The following RAB3IP variants were observed in gnomAD, a reference collection of about 807,000 sequenced individuals.
The protein encoded by RAB3IP is RAB3A interacting protein.
RAB3IP carries 36 observed loss-of-function variants against 59.1 expected under a neutral mutation model. The observed-to-expected ratio is 0.61, with a 90% confidence interval of 0.47 to 0.80. The LOEUF is 0.80. Among genes scored for constraint, RAB3IP ranks in the 30% least tolerant of loss-of-function variants. RAB3IP has a pLI of 0.00. For synonymous variants in RAB3IP, 207 were observed against 191.2 expected, an observed-to-expected ratio of 1.08 and a Z score of -0.68; for missense variants, 511 against 536.0, an observed-to-expected ratio of 0.95 and a Z score of 0.46.
chr12:69,754,572 C>T lies in RAB3IP; in HGVS notation c.-25-812C>T, dbSNP rs149322128. 1.9e-4 allele frequency among the ~76,000 whole-genome samples: 29 copies of T among 152,242 alleles called. No individual in the cohort carries two copies. The East Asian group carries it at 5.6e-3, about 29-fold the overall frequency. On this transcript the variant is annotated intron_variant, in intron 1 of 10. Transcript: ENST00000247833. ...TAAATTCAAGAGATCTATGGTACAG[C>T]AGGATGACTGTAGTTCCTGACGATA... is the stretch of plus-strand genomic sequence containing the variant.
At chr12:69,811,724 A>G (rs1216435969) in intron 8 of RAB3IP, among the ~76,000 whole-genome samples, 13 of 152,224 alleles carry the variant, frequency 8.5e-5, no homozygotes, top group Admixed American at 8.5e-4. Flanking sequence ...TATCTATTTG[A>G]AAAAAGACAG....
chr12:69,741,332 G>A (rs773054619), intron 1 of RAB3IP, among the ~76,000 whole-genome samples: 1 of 152,180 alleles, frequency 6.6e-6, no homozygotes, highest in Non-Finnish European at 1.5e-5. Flanking sequence ...GTAGGTGGTC[G>A]TACAGCTGGC....
intron 3 of RAB3IP, among the ~76,000 whole-genome samples, chr12:69,768,378 G>A (rs964695506): frequency 6.6e-5 from 10 of 152,208 alleles, no homozygotes; most frequent in African/African-American, 2.4e-4. Flanking sequence ...CACAATCTAT[G>A]TCCATGACGG....
At chr12:69,755,728 A>T (rs1400457217) in intron 2 of RAB3IP, 69 bp downstream of exon 2, 4 of 1,316,160 alleles carry the variant, frequency 3.0e-6, no homozygotes, top group Admixed American at 2.4e-5. Context: ...ACTATATTTT[A>T]AGTTTTACTA....
intron 3 of RAB3IP, among the ~76,000 whole-genome samples, chr12:69,766,667 G>T (rs372629632): frequency 6.6e-6 from 1 of 151,796 alleles, no homozygotes; most frequent in South Asian, 2.1e-4. Context: ...GATTACAGGC[G>T]CCTGCCACCA....
rs1881241414 is a variant in RAB3IP at position 69,817,417 on chromosome 12, A to G, written c.*1971A>G. The G allele has an allele frequency of 6.6e-6, 1 of 151,784 alleles. No homozygotes were observed. Among genetic ancestry groups the G allele is most frequent in the African/African-American group, 2.4e-5 (1 of 41,382 alleles). 9.4% of individuals were successfully genotyped at this position (151,784 alleles called of 1,614,324 possible). A position where few individuals can be genotyped will look rare whatever the true frequency, so the allele number is the denominator to read the frequency against. ...TTATCTTCCTGATCCTACTCCCTTT[A>G]GGAAGAACTTCTTAAACTGGAAGCA... is the stretch of plus-strand genomic sequence containing the variant. On this transcript the variant is annotated 3_prime_UTR_variant, in exon 11 of 11. Transcript: ENST00000247833.
In RAB3IP at chr12:69,821,813, C is replaced by G. The variant is rs945147172; in HGVS notation, c.*6367C>G. 6.6e-6 allele frequency: 1 copy of G among 152,136 alleles called. No individual in the cohort carries two copies. Among genetic ancestry groups the G allele is most frequent in the Non-Finnish European group, 1.5e-5 (1 of 68,030 alleles). The allele number at this position is 152,136 out of a possible 1,614,324, so 9.4% of individuals were successfully genotyped here. On this transcript the variant is annotated 3_prime_UTR_variant, in exon 11 of 11. Transcript: ENST00000247833. ...TACACCCTTGCTCAGGGTATGCACT[C>G]CATGGTTTGCTCTATGGCCCACCAT...
chr12:69,793,919 T>C (rs1174710438), intron 4 of RAB3IP, among the ~76,000 whole-genome samples: 1 of 152,296 alleles, frequency 6.6e-6, no homozygotes, highest in African/African-American at 2.4e-5. Flanking sequence ...GTAAACTGAT[T>C]TGCCTTTTTA....
chr12:69,811,089 G>T (rs1880380527), intron 8 of RAB3IP, among the ~76,000 whole-genome samples: 1 of 152,154 alleles, frequency 6.6e-6, no homozygotes, highest in Non-Finnish European at 1.5e-5. Flanking sequence ...GCAGGGACAT[G>T]GCTGGAGCTG....
chr12:69,742,879 T>G (rs910717372), intron 1 of RAB3IP, among the ~76,000 whole-genome samples: 7 of 152,206 alleles, frequency 4.6e-5, no homozygotes, highest in African/African-American at 1.7e-4. Context: ...AGTAATCTGA[T>G]TTATCTTAGA....
intron 1 of RAB3IP, chr12:69,739,839 C>T (rs200147683): frequency 1.2e-5 from 20 of 1,613,920 alleles, no homozygotes; most frequent in East Asian, 4.5e-5. Flanking sequence ...GAAGAGTTGC[C>T]GGTTGTTATG....
In RAB3IP at chr12:69,823,028, T is replaced by G. The variant is rs1374985266; in HGVS notation, c.*7582T>G. On this transcript the variant is annotated 3_prime_UTR_variant, in exon 11 of 11. Coordinates refer to ENST00000247833, the MANE Select transcript of RAB3IP (RefSeq NM_022456.5). ...CAAATAGCTAATAGCTGGAAGGAAG[T>G]TGTTGAATGTTTCCAACATAAAGAA... The G allele has an allele frequency of 6.6e-6, 1 of 152,146 alleles. No individual in the cohort carries two copies. The allele number at this position is 152,146 out of a possible 1,614,324, so 9.4% of individuals were successfully genotyped here.
Position 69,801,653 on chromosome 12 carries a change from C to G in RAB3IP, c.1062C>G (p.Ser354Arg). 1 of 1,612,796 alleles carries G rather than the reference C, an allele frequency of 6.2e-7. No individual in the cohort carries two copies. The highest frequency in any genetic ancestry group is 8.5e-7 in the Non-Finnish European group (1 of 1,179,212). The change falls in exon 8 of 11, where the codon AGC becomes AGG. Residue 354 changes from serine to arginine, a missense_variant. Coordinates refer to ENST00000247833, the MANE Select transcript of RAB3IP (RefSeq NM_022456.5). ...AGGCTGTGGAAAACAATACTCTAAG[C>G]ATTGAACCAGTGGGATTACAACCTA... ...VLEAVENNTL[S>R]IEPVGLQPIR... is the part of the protein sequence containing the mutation.
chr12:69,769,491 C>A (rs1042788926), intron 3 of RAB3IP, among the ~76,000 whole-genome samples: 1 of 152,166 alleles, frequency 6.6e-6, no homozygotes, highest in Admixed American at 6.5e-5. Context: ...CAGACACTAT[C>A]ACGGGGGCTG....
chr12:69,780,715 A>C (rs972672361), intron 3 of RAB3IP, among the ~76,000 whole-genome samples: 11 of 152,200 alleles, frequency 7.2e-5, no homozygotes, highest in African/African-American at 2.7e-4. Flanking sequence ...GAGCCAATTT[A>C]CAGGGTAACT....
chr12:69,813,470 C>T (rs374692196), intron 10 of RAB3IP, among the ~76,000 whole-genome samples: 13 of 152,040 alleles, frequency 8.6e-5, no homozygotes, highest in African/African-American at 2.7e-4. Context: ...CTACTTTTTG[C>T]GTGTGAATTA....
chr12:69,767,046 A>G lies in RAB3IP; in HGVS notation c.510+10383A>G, dbSNP rs550751465. Among the ~76,000 whole-genome samples, 6 of 152,360 alleles carry G rather than the reference A, an allele frequency of 3.9e-5. No individual in the cohort carries two copies. The South Asian group carries it at 1.2e-3, about 32-fold the overall frequency. On this transcript the variant is annotated intron_variant, in intron 3 of 10. Coordinates refer to ENST00000247833, the MANE Select transcript of RAB3IP (RefSeq NM_022456.5). ...ATCCCTTGGTGGTGTTACTACATTTAGATTTTTCATCATGCCAGAATTCTT... is the reference window on the plus strand; with the variant it reads ...ATCCCTTGGTGGTGTTACTACATTTGGATTTTTCATCATGCCAGAATTCTT...
intron 1 of RAB3IP, among the ~76,000 whole-genome samples, chr12:69,745,065 C>G (rs891397669): frequency 6.6e-6 from 1 of 152,074 alleles, no homozygotes; most frequent in Non-Finnish European, 1.5e-5. Context: ...TAAGTAGACA[C>G]AATAGTATAA....
At chr12:69,739,713 AC>A in intron 1 of RAB3IP, 1 of 863,146 alleles carries the variant, frequency 1.2e-6, no homozygotes, top group Non-Finnish European at 1.9e-6. Flanking sequence ...GACGAACTGC[AC>A]GGGTGGGATT....
Sources: allele counts gnomAD v4.1 joint callset (sites outside exome capture counted in the v4.1 genomes callset), GRCh38; gene constraint gnomAD v4.1.1; transcripts MANE v1.5; gene names NCBI Gene and HGNC (gene_info 2026-07-23, HGNC 2026-07-21).